FOXJ3: variants seen among roughly 807,000 people sequenced by gnomAD.
The protein encoded by FOXJ3 is forkhead box protein J3.
FOXJ3 carries 22 observed loss-of-function variants against 76.1 expected under a neutral mutation model. The ratio of observed to expected loss-of-function variants is 0.29; its 90% CI spans 0.21 to 0.41. FOXJ3 has a LOEUF of 0.41. FOXJ3 is among the 10% of genes least tolerant of loss of function. The pLI is 1.00. For synonymous variants in FOXJ3, 269 were observed against 261.2 expected (o/e 1.03, Z -0.29); for missense variants, 613 against 762.1 (o/e 0.80, Z 2.30).
intron 6 of FOXJ3, among the ~76,000 whole-genome samples, chr1:42,201,475 C>T (rs1164669138): frequency 6.6e-6 from 1 of 152,050 alleles, no homozygotes; most frequent in Non-Finnish European, 1.5e-5. Context: ...TGTAATATTC[C>T]GTATAAAATG....
chr1:42,204,509 C>T (rs1177221178), intron 6 of FOXJ3, among the ~76,000 whole-genome samples: 1 of 152,168 alleles, frequency 6.6e-6, no homozygotes, highest in Non-Finnish European at 1.5e-5. Flanking sequence ...GTCTTCATCA[C>T]CACTTAGACT....
At chr1:42,288,185 GTC>G (rs1365532581) in intron 2 of FOXJ3, among the ~76,000 whole-genome samples, 1 of 152,104 alleles carries the variant, frequency 6.6e-6, no homozygotes, top group Admixed American at 6.6e-5. Context: ...AAATGTCTAT[GTC>G]TCTGAGTAGT....
chr1:42,306,045 C>T (rs1050147416), intron 2 of FOXJ3, among the ~76,000 whole-genome samples: 1 of 152,112 alleles, frequency 6.6e-6, no homozygotes. Context: ...TCTATTGTTA[C>T]AATATGTAAA....
intron 4 of FOXJ3, among the ~76,000 whole-genome samples, chr1:42,232,495 T>C (rs1166578542): frequency 6.7e-5 from 10 of 149,124 alleles, no homozygotes; most frequent in South Asian, 4.3e-4. Flanking sequence ...CCATTCTAAC[T>C]GGTGTGAGAT....
intron 4 of FOXJ3, among the ~76,000 whole-genome samples, chr1:42,231,640 A>AT (rs1473225281): frequency 6.6e-6 from 1 of 152,170 alleles, no homozygotes; most frequent in African/African-American, 2.4e-5. Context: ...TATGTTATGT[A>AT]TATTTTACCA....
At chr1:42,255,098 C>T (rs1165104447) in intron 4 of FOXJ3, among the ~76,000 whole-genome samples, 1 of 151,948 alleles carries the variant, frequency 6.6e-6, no homozygotes, top group Admixed American at 6.6e-5. Flanking sequence ...AGGCAACTAA[C>T]TATTTAAAGC....
chr1:42,331,123 G>A (rs903738598), intron 1 of FOXJ3, among the ~76,000 whole-genome samples: 18 of 152,280 alleles, frequency 1.2e-4, no homozygotes, highest in African/African-American at 3.4e-4. Context: ...GCTTACACCT[G>A]TAGTCTCAGC....
chr1:42,326,056 G>C (rs908473083), intron 1 of FOXJ3, among the ~76,000 whole-genome samples: 1 of 152,130 alleles, frequency 6.6e-6, no homozygotes, highest in Non-Finnish European at 1.5e-5. Flanking sequence ...TTTGAGACCA[G>C]CCTGGCCAAC....
At chr1:42,254,059 A>T (rs1650357073) in intron 4 of FOXJ3, among the ~76,000 whole-genome samples, 1 of 151,844 alleles carries the variant, frequency 6.6e-6, no homozygotes, top group Non-Finnish European at 1.5e-5. Flanking sequence ...TTCACAACCT[A>T]CTCATCTGAC....
At chr1:42,205,697 T>C (rs1646847456) in intron 6 of FOXJ3, 65 bp downstream of exon 6, 1 of 930,992 alleles carries the variant, frequency 1.1e-6, no homozygotes, top group Non-Finnish European at 1.7e-6. Context: ...TCTATCATTA[T>C]TACAAAGGCA....
chr1:42,292,261 G>A (rs1400416049), intron 2 of FOXJ3, among the ~76,000 whole-genome samples: 1 of 152,170 alleles, frequency 6.6e-6, no homozygotes, highest in African/African-American at 2.4e-5. Context: ...CAAGCATATG[G>A]AGCAAATGGA....
chr1:42,231,907 C>A (rs910210704), intron 4 of FOXJ3, among the ~76,000 whole-genome samples: 1 of 151,980 alleles, frequency 6.6e-6, no homozygotes, highest in Non-Finnish European at 1.5e-5. Context: ...ATTAACTCGT[C>A]ATTTAACATT....
intron 5 of FOXJ3, among the ~76,000 whole-genome samples, chr1:42,214,501 T>G (rs1647027141): frequency 6.6e-6 from 1 of 152,218 alleles, no homozygotes; most frequent in Non-Finnish European, 1.5e-5. Context: ...CATACCCATT[T>G]GAGTTCCACT....
At chr1:42,276,452 GT>G (rs903611761) in intron 3 of FOXJ3, among the ~76,000 whole-genome samples, 1 of 152,140 alleles carries the variant, frequency 6.6e-6, no homozygotes, top group Non-Finnish European at 1.5e-5. Flanking sequence ...ATGGATAAAA[GT>G]TTAAGAAATA....
rs138815118 is a variant in FOXJ3 at position 42,219,472 on chromosome 1, G to A, written c.528+8411C>T. Among the ~76,000 whole-genome samples, 750 of 152,298 alleles carry A rather than the reference G, an allele frequency of 4.9e-3. 8 individuals are homozygous for A. Among genetic ancestry groups the A allele is most frequent in the African/African-American group, 0.017 (697 of 41,560 alleles). ...AGGCAGCCACTGGGGGTCTTGGAAC[G>A]TATACCCCTCAGGGAGGTCTACTGT... On this transcript the variant is annotated intron_variant, in intron 5 of 12. Coordinates refer to ENST00000361346, the MANE Select transcript of FOXJ3 (RefSeq NM_014947.5).
chr1:42,272,688 G>A (rs1476641663), intron 3 of FOXJ3, among the ~76,000 whole-genome samples: 1 of 152,156 alleles, frequency 6.6e-6, no homozygotes, highest in Non-Finnish European at 1.5e-5. Flanking sequence ...GACTTGGGCT[G>A]GCTATCGGCA....
intron 6 of FOXJ3, 48 bp from the exon 7 acceptor site, chr1:42,199,278 A>C (rs1447271632): frequency 2.6e-6 from 4 of 1,526,876 alleles, no homozygotes; most frequent in Non-Finnish European, 3.6e-6. Flanking sequence ...GGTACTTCTT[A>C]AGCAACTCTG....
chr1:42,334,427 C>T (rs1315596678), intron 1 of FOXJ3, among the ~76,000 whole-genome samples: 1 of 151,662 alleles, frequency 6.6e-6, no homozygotes, highest in Non-Finnish European at 1.5e-5. Flanking sequence ...GGAGGGGGGG[C>T]GGGAGACACT....
chr1:42,259,155 T>C (rs916611859), intron 4 of FOXJ3, among the ~76,000 whole-genome samples: 3 of 152,168 alleles, frequency 2.0e-5, no homozygotes, highest in Admixed American at 6.5e-5. Context: ...CAGAAGGCCA[T>C]GTACTATATG....
Sources: gnomAD v4.1 joint callset for allele counts (sites outside exome capture counted in the v4.1 genomes callset) on GRCh38, gnomAD v4.1.1 for gene constraint, MANE v1.5 for transcripts, NCBI Gene and HGNC (gene_info 2026-07-23, HGNC 2026-07-21) for gene names.